CREB1: variants seen among roughly 807,000 people sequenced by gnomAD.
CREB1 encodes cAMP responsive element binding protein 1.
CREB1 carries 2 observed loss-of-function variants against 42.0 expected under a neutral mutation model. The ratio of observed to expected loss-of-function variants is 0.05; its 90% CI spans 0.02 to 0.15. CREB1 has a LOEUF of 0.15. Ranked by LOEUF, CREB1 falls within the 10% of genes least tolerant of loss-of-function variation. The pLI is 1.00. For missense variants in CREB1, 199 were observed against 388.9 expected, an observed-to-expected ratio of 0.51 and a Z score of 4.11; for synonymous variants, 123 against 139.9, an observed-to-expected ratio of 0.88 and a Z score of 0.85.
Position 207,558,643 on chromosome 2 carries a change from A to AT in CREB1, c.115-1565dup, listed in dbSNP as rs903929048. ...TATCTTTCACACTGCCACTAAAGTG[A>AT]TTTTTTTTTTTTTTTTTTGAGATGG... On this transcript the variant is annotated intron_variant, in intron 2 of 7. Transcript: ENST00000353267. Among the ~76,000 whole-genome samples, 1,312 of 132,026 alleles carry AT rather than the reference A, an allele frequency of 9.9e-3. 6 individuals are homozygous for AT. Among genetic ancestry groups the AT allele is most frequent in the African/African-American group, 0.014 (487 of 35,824 alleles). 86.6% of individuals were successfully genotyped at this position (132,026 alleles called of 152,430 possible). A position where few individuals can be genotyped will look rare whatever the true frequency, so the allele number is the denominator to read the frequency against.
At position 207,575,318 on chromosome 2, in the gene CREB1, C is replaced by T. The variant is rs376739437; in HGVS notation, c.552C>T (p.Thr184=). 2.2e-5 allele frequency: 35 copies of T among 1,613,866 alleles called. No homozygotes were observed. The highest frequency in any genetic ancestry group is 6.7e-5 in the African/African-American group (5 of 74,872). Residue 184 remains threonine, a synonymous_variant, in exon 6 of 8, where the codon ACC becomes ACT. Coordinates refer to ENST00000353267, the MANE Select transcript of CREB1 (RefSeq NM_004379.5). The part of the protein sequence containing the change: ...GGAIQLANNG[T]DGVQGLQTLT... ...CAATACAGCTGGCTAACAATGGTAC[C>T]GATGGGGTACAGGGCCTGCAAACAT... is the stretch of plus-strand genomic sequence containing the variant.
chr2:207,537,734 A>T (rs1410061690), intron 1 of CREB1, among the ~76,000 whole-genome samples: 1 of 152,116 alleles, frequency 6.6e-6, no homozygotes, highest in Non-Finnish European at 1.5e-5. Flanking sequence ...ACTCCCCTTA[A>T]TATATACACA....
At chr2:207,561,009 C>A in intron 3 of CREB1, 1 of 929,160 alleles carries the variant, frequency 1.1e-6, no homozygotes, top group South Asian at 1.4e-5. Context: ...CTGTAGGGAA[C>A]CGAGAGCAGT....
chr2:207,587,834 G>T (rs978008376), intron 7 of CREB1, among the ~76,000 whole-genome samples: 3 of 152,112 alleles, frequency 2.0e-5, no homozygotes, highest in Non-Finnish European at 4.4e-5. Flanking sequence ...TTGGTTAATG[G>T]ACACAAACTT....
At position 207,604,333 on chromosome 2, in the gene CREB1, AAACTT is replaced by A. The variant is rs138273242; in HGVS notation, c.*7281_*7285del. On this transcript the variant is annotated 3_prime_UTR_variant, in exon 8 of 8. Transcript: ENST00000353267. ...AGGTTGCAAAACACAGGCCCAAGAC[AAACTT>A]AACTTCTCCCCCAAATCTTCCTTCC... 7.9e-5 allele frequency among the ~76,000 whole-genome samples: 12 copies of A among 152,352 alleles called. No individual in the cohort carries two copies. Among genetic ancestry groups the A allele is most frequent in the East Asian group, 1.9e-4 (1 of 5,194 alleles).
rs2082307396 is a variant in CREB1 at position 207,570,330 on chromosome 2, TAGACAA to T, written c.505+10_505+15del. ...TAGCAGTGGACAGTATAGTGAGTAA[TAGACAA>T]TTTCTGTTTCTATTGTGAGGAGAAA... On this transcript the variant is annotated intron_variant, in intron 5 of 7. Transcript: ENST00000353267. 1.3e-6 allele frequency: 2 copies of T among 1,583,548 alleles called. No individual in the cohort carries two copies. Among genetic ancestry groups the T allele is most frequent in the Admixed American group, 3.7e-5 (2 of 53,386 alleles).
intron 1 of CREB1, among the ~76,000 whole-genome samples, chr2:207,552,964 T>C (rs1271201320): frequency 6.6e-6 from 1 of 152,040 alleles, no homozygotes; most frequent in Non-Finnish European, 1.5e-5. Flanking sequence ...ATTGAGTGTA[T>C]TCATTTGTTT....
chr2:207,576,590 C>T (rs1414778634), intron 6 of CREB1: 2 of 805,558 alleles, frequency 2.5e-6, no homozygotes, highest in East Asian at 1.1e-4. Flanking sequence ...TACTATTTTG[C>T]TTATTGATGA....
At chr2:207,594,386 C>T (rs1575019502) in intron 7 of CREB1, among the ~76,000 whole-genome samples, 1 of 152,122 alleles carries the variant, frequency 6.6e-6, no homozygotes. Flanking sequence ...CCCATTTCCT[C>T]GTTCCCCCAG....
At chr2:207,573,003 TTAGA>T (rs750631804) in intron 5 of CREB1, among the ~76,000 whole-genome samples, 1 of 152,216 alleles carries the variant, frequency 6.6e-6, no homozygotes, top group Non-Finnish European at 1.5e-5. Flanking sequence ...GATTCTGCTC[TTAGA>T]TAGAAAATGT....
rs905630126 is a variant in CREB1, at chr2:207,539,044, C to T, written c.-9+8910C>T. On this transcript the variant is annotated intron_variant, in intron 1 of 7. Coordinates refer to ENST00000353267, the MANE Select transcript of CREB1 (RefSeq NM_004379.5). ...CAGATTATTCTGAATTATTTGTACT[C>T]TTTTTTTTTTTTTTTGAGAGGAATC... 1.9e-4 allele frequency among the ~76,000 whole-genome samples: 26 copies of T among 140,478 alleles called. 1 individual carries two copies. The highest frequency in any genetic ancestry group is 3.2e-4 in the Non-Finnish European group (21 of 65,386). The allele number at this position is 140,478 out of a possible 152,430, so 92.2% of individuals were successfully genotyped here. A position where few individuals can be genotyped will look rare whatever the true frequency, so the allele number is the denominator to read the frequency against.
At chr2:207,544,128 C>T (rs913541789) in intron 1 of CREB1, among the ~76,000 whole-genome samples, 4 of 151,866 alleles carry the variant, frequency 2.6e-5, no homozygotes, top group East Asian at 3.9e-4. Context: ...ACTGTGGTCT[C>T]GATCTTCTGA....
intron 1 of CREB1, among the ~76,000 whole-genome samples, chr2:207,536,292 C>A (rs1346545540): frequency 1.3e-5 from 2 of 152,158 alleles, no homozygotes; most frequent in East Asian, 3.9e-4. Context: ...GTGGCTGACG[C>A]CTGTGTGATC....
intron 1 of CREB1, among the ~76,000 whole-genome samples, chr2:207,537,296 C>G (rs2106349456): frequency 6.6e-6 from 1 of 152,170 alleles, no homozygotes; most frequent in South Asian, 2.1e-4. Context: ...CCTCTGCCTC[C>G]CAAAGTGGTG....
At position 207,597,185 on chromosome 2, in the gene CREB1, AACT is replaced by A; in HGVS notation, c.*130_*132del. ...TCTATGCGCAAAACTGCCTGAAAGC[AACT>A]ACAGAATTTCATTCATTTGTGCTTT... is the stretch of plus-strand genomic sequence containing the variant. On this transcript the variant is annotated 3_prime_UTR_variant, in exon 8 of 8. Transcript: ENST00000353267. The A allele has an allele frequency of 1.0e-6, 1 of 996,112 alleles. No individual in the cohort carries two copies. Among genetic ancestry groups the A allele is most frequent in the Non-Finnish European group, 1.4e-6 (1 of 711,462 alleles). 61.7% of individuals were successfully genotyped at this position (996,112 alleles called of 1,614,324 possible).
intron 7 of CREB1, among the ~76,000 whole-genome samples, chr2:207,584,899 G>C (rs1406327312): frequency 6.6e-6 from 1 of 152,066 alleles, no homozygotes; most frequent in Non-Finnish European, 1.5e-5. Flanking sequence ...ATCTTTTGCA[G>C]AGCAAAAGGT....
intron 2 of CREB1, among the ~76,000 whole-genome samples, chr2:207,559,537 C>A (rs1394370293): frequency 6.6e-6 from 1 of 152,142 alleles, no homozygotes; most frequent in Admixed American, 6.5e-5. Flanking sequence ...ATAACTGTTT[C>A]CTGATTTAGC....
intron 1 of CREB1, among the ~76,000 whole-genome samples, chr2:207,552,739 C>T (rs1234658381): frequency 6.6e-6 from 1 of 151,428 alleles, no homozygotes; most frequent in Non-Finnish European, 1.5e-5. Flanking sequence ...CCAAATATCC[C>T]AAGTAGCTGG....
intron 7 of CREB1, among the ~76,000 whole-genome samples, chr2:207,593,050 A>G (rs910340703): frequency 2.0e-5 from 3 of 152,210 alleles, no homozygotes; most frequent in African/African-American, 4.8e-5. Context: ...TCTGTCTTCA[A>G]GTTCACTGAT....
Sources: allele counts gnomAD v4.1 joint callset (sites outside exome capture counted in the v4.1 genomes callset), GRCh38; gene constraint gnomAD v4.1.1; transcripts MANE v1.5; gene names NCBI Gene and HGNC (gene_info 2026-07-23, HGNC 2026-07-21).